DYNLT2B: variants seen among roughly 807,000 people sequenced by gnomAD.
DYNLT2B encodes the protein dynein light chain Tctex-type 2B.
Under a neutral mutation model 19.5 loss-of-function variants are expected in DYNLT2B, and 14 were observed. The ratio of observed to expected loss-of-function variants is 0.72; its 90% CI spans 0.47 to 1.12. The LOEUF is 1.12. Among genes scored for constraint, DYNLT2B ranks in the 50% most tolerant of loss-of-function variants. The pLI is 0.00. For synonymous variants in DYNLT2B, 70 were observed against 59.7 expected, an observed-to-expected ratio of 1.17 and a Z score of -0.79; for missense variants, 133 against 174.7, an observed-to-expected ratio of 0.76 and a Z score of 1.35.
Position 196,318,205 on chromosome 3 carries a change from G to A in DYNLT2B, c.-53C>T, listed in dbSNP as rs1726947275. 9.2e-6 allele frequency: 10 copies of A among 1,089,870 alleles called. No homozygotes were observed. The highest frequency in any genetic ancestry group is 4.9e-5 in the African/African-American group (3 of 60,822). The allele number at this position is 1,089,870 out of a possible 1,614,324, so 67.5% of individuals were successfully genotyped here. On this transcript the variant is annotated 5_prime_UTR_variant, in exon 1 of 5. Coordinates refer to ENST00000325318, the MANE Select transcript of DYNLT2B (RefSeq NM_152773.5). ...TCGCGATGAAGGCCTAGCGGGTTGCGGTCGCGGCCGGCAGCAGGGAAAGCG... is the reference window on the plus strand; with the variant it reads ...TCGCGATGAAGGCCTAGCGGGTTGCAGTCGCGGCCGGCAGCAGGGAAAGCG...
chr3:196,316,129 A>G lies in DYNLT2B; in HGVS notation c.216T>C (p.His72=). The change falls in exon 2 of 5, where the codon CAT becomes CAC. Residue 72 remains histidine (H), a synonymous_variant. Coordinates refer to ENST00000325318, the MANE Select transcript of DYNLT2B (RefSeq NM_152773.5). ...ATTTATCTTTAATGTTTTCTGATAA[A>G]TGTTTTGTAAGCTGAGGCATTTCTT... The part of the protein sequence containing the change: ...SPEEMPQLTK[H]LSENIKDKLK... 1 of 1,613,650 alleles carries G rather than the reference A, an allele frequency of 6.2e-7. No homozygotes were observed. Among genetic ancestry groups the G allele is most frequent in the Non-Finnish European group, 8.5e-7 (1 of 1,179,716 alleles).
intron 3 of DYNLT2B, among the ~76,000 whole-genome samples, chr3:196,306,247 C>CAAAAAA (rs112341100): frequency 1.9e-5 from 2 of 104,578 alleles, no homozygotes; most frequent in African/African-American, 8.0e-5. Context: ...CCCATCTCTG[C>CAAAAAA]AAAAAAAAAA....
intron 2 of DYNLT2B, among the ~76,000 whole-genome samples, chr3:196,310,485 G>A (rs367589060): frequency 4.0e-5 from 6 of 151,698 alleles, no homozygotes; most frequent in African/African-American, 1.2e-4. Context: ...CTGGAGTGCA[G>A]TGGGATGATC....
At chr3:196,295,381 G>C (rs1230396671) in intron 4 of DYNLT2B, among the ~76,000 whole-genome samples, 1 of 136,820 alleles carries the variant, frequency 7.3e-6, no homozygotes, top group East Asian at 2.1e-4. Context: ...GGCTGGTCTT[G>C]AACTCCTGAC....
At chr3:196,293,140 C>G (rs1171299071) in intron 4 of DYNLT2B, among the ~76,000 whole-genome samples, 2 of 152,138 alleles carry the variant, frequency 1.3e-5, no homozygotes, top group African/African-American at 4.8e-5. Flanking sequence ...AGGCGTGAGC[C>G]ACCACACCCA....
Position 196,318,149 on chromosome 3 carries a change from C to G in DYNLT2B, c.4G>C (p.Ala2Pro). Reference sequence around the variant, plus strand: ...GAGAAGGACACTCCGATGGACGTGGCCATGCCGGGGCTTCTCGGTCCGGGC... The same window carrying G: ...GAGAAGGACACTCCGATGGACGTGGGCATGCCGGGGCTTCTCGGTCCGGGC... M[A>P]TSIGVSFSVG... Residue 2 changes from alanine (A) to proline (P), a missense_variant, in exon 1 of 5, where the codon GCC (alanine) becomes CCC (proline). Ala to Pro is a conservative substitution (Grantham distance 27, BLOSUM62 -1). Transcript: ENST00000325318. 1.3e-6 allele frequency: 2 copies of G among 1,522,674 alleles called. No homozygotes were observed. The highest frequency in any genetic ancestry group is 1.8e-6 in the Non-Finnish European group (2 of 1,141,542). The allele number at this position is 1,522,674 out of a possible 1,614,324, so 94.3% of individuals were successfully genotyped here. A position where few individuals can be genotyped will look rare whatever the true frequency, so the allele number is the denominator to read the frequency against.
At chr3:196,296,592 T>C (rs1726227893) in intron 3 of DYNLT2B, among the ~76,000 whole-genome samples, 1 of 152,064 alleles carries the variant, frequency 6.6e-6, no homozygotes, top group Non-Finnish European at 1.5e-5. Flanking sequence ...GAAAAAAATA[T>C]TAGTCAAAAT....
intron 3 of DYNLT2B, among the ~76,000 whole-genome samples, chr3:196,297,834 T>TA (rs1701894702): frequency 1.3e-5 from 2 of 152,148 alleles, no homozygotes; most frequent in Non-Finnish European, 2.9e-5. Flanking sequence ...AACATACACA[T>TA]ATACCTTATA....
At chr3:196,304,457 G>A (rs1387852651) in intron 3 of DYNLT2B, among the ~76,000 whole-genome samples, 5 of 151,972 alleles carry the variant, frequency 3.3e-5, no homozygotes, top group African/African-American at 1.2e-4. Flanking sequence ...TTAAACAAAG[G>A]TAATGGCTAA....
In DYNLT2B at chr3:196,291,360, G is replaced by A. The variant is rs371259965; in HGVS notation, c.396C>T (p.Cys132=). Residue 132 remains cysteine (C), a synonymous_variant, in exon 5 of 5, where the codon TGC becomes TGT. Coordinates refer to ENST00000325318, the MANE Select transcript of DYNLT2B (RefSeq NM_152773.5). ...HDVFMNDSLF[C]VVAAFGCFYY ...AGAAACAGCCAAATGCTGCTACAAC[G>A]CAGAATAAACTGTCCTAAAAAATAA... The A allele has an allele frequency of 2.6e-5, 42 of 1,609,550 alleles. No homozygotes were observed. Among genetic ancestry groups the A allele is most frequent in the Non-Finnish European group, 2.5e-5 (30 of 1,178,146 alleles).
chr3:196,300,267 C>T (rs558213124), intron 3 of DYNLT2B, among the ~76,000 whole-genome samples: 8 of 152,130 alleles, frequency 5.3e-5, no homozygotes, highest in Non-Finnish European at 8.8e-5. Context: ...TAATTTGTTA[C>T]GGCAGCAACA....
At chr3:196,312,738 C>T (rs1017441905) in intron 2 of DYNLT2B, among the ~76,000 whole-genome samples, 2 of 152,168 alleles carry the variant, frequency 1.3e-5, no homozygotes, top group African/African-American at 4.8e-5. Context: ...GGATTGCAGG[C>T]GTGAGCCACC....
chr3:196,313,435 A>T (rs890212896), intron 2 of DYNLT2B, among the ~76,000 whole-genome samples: 1 of 151,918 alleles, frequency 6.6e-6, no homozygotes, highest in Non-Finnish European at 1.5e-5. Flanking sequence ...GGCTCAAGAG[A>T]TCCGCCCGCC....
intron 4 of DYNLT2B, among the ~76,000 whole-genome samples, chr3:196,294,724 ACTTTTTT>A (rs750506822): frequency 4.9e-4 from 74 of 152,064 alleles, no homozygotes; most frequent in African/African-American, 8.7e-4. Context: ...ATTTCTTTTT[ACTTTTTT>A]CTTTTTTCTT....
At chr3:196,292,786 A>G (rs1267269692) in intron 4 of DYNLT2B, among the ~76,000 whole-genome samples, 1 of 152,140 alleles carries the variant, frequency 6.6e-6, no homozygotes, top group Non-Finnish European at 1.5e-5. Flanking sequence ...TTTTCCGCTC[A>G]ATACCACATG....
At chr3:196,315,383 C>T (rs1726755522) in intron 2 of DYNLT2B, 1 of 326,544 alleles carries the variant, frequency 3.1e-6, no homozygotes, top group Non-Finnish European at 5.9e-6. Context: ...CTGCCTCAGC[C>T]TCCCAAGCAG....
chr3:196,307,610 G>C (rs1034863466), intron 2 of DYNLT2B, among the ~76,000 whole-genome samples: 3 of 151,900 alleles, frequency 2.0e-5, no homozygotes, highest in African/African-American at 7.2e-5. Flanking sequence ...GTCAGATATA[G>C]TAATATCTAA....
chr3:196,306,689 C>T (rs1185666223), intron 3 of DYNLT2B, among the ~76,000 whole-genome samples: 1 of 152,100 alleles, frequency 6.6e-6, no homozygotes, highest in Admixed American at 6.5e-5. Context: ...GCTGGGACTA[C>T]AAGCGCACGC....
At chr3:196,300,427 G>A (rs1319521730) in intron 3 of DYNLT2B, among the ~76,000 whole-genome samples, 1 of 151,934 alleles carries the variant, frequency 6.6e-6, no homozygotes, top group African/African-American at 2.4e-5. Context: ...GACTTGGAGG[G>A]CTACAATTAA....
Sources: allele counts gnomAD v4.1 joint callset (sites outside exome capture counted in the v4.1 genomes callset), GRCh38; gene constraint gnomAD v4.1.1; transcripts MANE v1.5; gene names NCBI Gene and HGNC (gene_info 2026-07-23, HGNC 2026-07-21).